Variants in PLXNC1 observed in about 807,000 individuals in gnomAD.
PLXNC1 encodes plexin-C1.
In PLXNC1, 75 loss-of-function variants were observed where a neutral mutation model predicts 178.2. The ratio of observed to expected loss-of-function variants is 0.42; its 90% CI spans 0.35 to 0.51. The LOEUF is 0.51. Among genes scored for constraint, PLXNC1 ranks in the 20% least tolerant of loss-of-function variants. The pLI is 0.02. For synonymous variants in PLXNC1, 790 were observed against 779.9 expected (o/e 1.01, Z -0.22); for missense variants, 1,503 against 1,984.4 (o/e 0.76, Z 4.61).
chr12:94,232,957 T>C (rs987012505), intron 9 of PLXNC1, among the ~76,000 whole-genome samples: 1 of 152,202 alleles, frequency 6.6e-6, no homozygotes, highest in Non-Finnish European at 1.5e-5. Flanking sequence ...CTAAATTGAA[T>C]ATAAACATTG....
In PLXNC1 at chr12:94,296,449, C is replaced by CTG. The variant is rs1967927789; in HGVS notation, c.3935-739_3935-738dup. Among the ~76,000 whole-genome samples, 13 of 152,346 alleles carry CTG rather than the reference C, an allele frequency of 8.5e-5. No individual in the cohort carries two copies. The South Asian group carries it at 2.7e-3, about 32-fold the overall frequency. On this transcript the variant is annotated intron_variant, in intron 24 of 30. Coordinates refer to ENST00000258526, the MANE Select transcript of PLXNC1 (RefSeq NM_005761.3). ...GTGCTGGGATTACAGATGTGAGCCA[C>CTG]TGAGCCTCTCTCAACTTTAAAACAA...
chr12:94,174,221 G>A (rs774944178), intron 2 of PLXNC1, among the ~76,000 whole-genome samples: 42 of 151,796 alleles, frequency 2.8e-4, no homozygotes, highest in Non-Finnish European at 7.4e-5. Flanking sequence ...GTCTGGCTCT[G>A]TTGCCCAGGC....
At chr12:94,171,831 C>A (rs963725381) in intron 2 of PLXNC1, among the ~76,000 whole-genome samples, 22 of 152,130 alleles carry the variant, frequency 1.4e-4, no homozygotes, top group Non-Finnish European at 3.1e-4. Context: ...ACACCCACCC[C>A]CCAAGCCCCC....
chr12:94,261,662 T>A (rs1018284260), intron 20 of PLXNC1, among the ~76,000 whole-genome samples: 51 of 152,346 alleles, frequency 3.3e-4, no homozygotes, highest in African/African-American at 1.2e-3. Context: ...ATTCTTATCC[T>A]TTAATTTTAC....
chr12:94,231,242 C>T (rs1161882261), intron 9 of PLXNC1, among the ~76,000 whole-genome samples: 2 of 152,052 alleles, frequency 1.3e-5, no homozygotes, highest in Non-Finnish European at 2.9e-5. Flanking sequence ...CGAGAAGCAT[C>T]CAGACACATG....
intron 21 of PLXNC1, among the ~76,000 whole-genome samples, chr12:94,273,508 C>T (rs1291576044): frequency 6.6e-6 from 1 of 152,194 alleles, no homozygotes; most frequent in Admixed American, 6.5e-5. Context: ...GCTGCCTCCT[C>T]CATGCAGCCT....
Position 94,305,931 on chromosome 12 carries a change from T to C in PLXNC1, c.*646T>C, listed in dbSNP as rs947156550. The C allele has an allele frequency of 6.6e-6, 1 of 152,218 alleles. No individual in the cohort carries two copies. Among genetic ancestry groups the C allele is most frequent in the Non-Finnish European group, 1.5e-5 (1 of 68,048 alleles). The allele number at this position is 152,218 out of a possible 1,614,324, so 9.4% of individuals were successfully genotyped here. On this transcript the variant is annotated 3_prime_UTR_variant, in exon 31 of 31. Coordinates refer to ENST00000258526, the MANE Select transcript of PLXNC1 (RefSeq NM_005761.3). Reference sequence around the variant, plus strand: ...TCAACTGCACTCCATCAAACTCACCTCCATTTCACCAAGGAGCTCTAAAGT... The same window carrying C: ...TCAACTGCACTCCATCAAACTCACCCCCATTTCACCAAGGAGCTCTAAAGT...
chr12:94,229,573 A>G (rs1335005535), intron 9 of PLXNC1, among the ~76,000 whole-genome samples: 1 of 152,180 alleles, frequency 6.6e-6, no homozygotes, highest in Non-Finnish European at 1.5e-5. Flanking sequence ...TCATTTTTAT[A>G]TATGGCATAA....
At chr12:94,218,495 C>G (rs921853754) in intron 5 of PLXNC1, among the ~76,000 whole-genome samples, 2 of 152,096 alleles carry the variant, frequency 1.3e-5, no homozygotes, top group Admixed American at 6.5e-5. Context: ...CCACTTCCTG[C>G]ACTCCCAGGT....
At chr12:94,177,928 AGTT>A (rs1455282883) in intron 2 of PLXNC1, among the ~76,000 whole-genome samples, 2 of 152,220 alleles carry the variant, frequency 1.3e-5, no homozygotes, top group Non-Finnish European at 2.9e-5. Context: ...CAAAACCTAC[AGTT>A]GTTTTCTTAA....
rs1960871864 is a variant in PLXNC1 at position 94,149,701 on chromosome 12, A to G, written c.730A>G (p.Ile244Val). The G allele has an allele frequency of 3.7e-6, 6 of 1,612,004 alleles. No individual in the cohort carries two copies. The highest frequency in any genetic ancestry group is 4.2e-6 in the Non-Finnish European group (5 of 1,179,362). Residue 244 changes from isoleucine to valine, a missense_variant, in exon 1 of 31, where the codon ATC becomes GTC. Ile to Val is a conservative substitution (Grantham distance 29). Coordinates refer to ENST00000258526, the MANE Select transcript of PLXNC1 (RefSeq NM_005761.3). ...FVDAFLWNGS[I>V]YFPYYPYNYT... ...GGACGCCTTTCTCTGGAACGGCAGC[A>G]TCTACTTCCCCTACTACCCCTACAA... is the stretch of plus-strand genomic sequence containing the variant.
At chr12:94,283,293 A>G (rs1966585282) in intron 23 of PLXNC1, among the ~76,000 whole-genome samples, 1 of 152,210 alleles carries the variant, frequency 6.6e-6, no homozygotes, top group Non-Finnish European at 1.5e-5. Context: ...AGACTGGGCT[A>G]GGGTGCAGGC....
chr12:94,228,258 C>G (rs915933006), intron 9 of PLXNC1, among the ~76,000 whole-genome samples: 5 of 152,146 alleles, frequency 3.3e-5, no homozygotes, highest in African/African-American at 1.2e-4. Flanking sequence ...TCTCTGAGGT[C>G]TTGTTAAGTA....
At chr12:94,185,290 A>C (rs535214627) in intron 3 of PLXNC1, among the ~76,000 whole-genome samples, 1 of 152,256 alleles carries the variant, frequency 6.6e-6, no homozygotes, top group Non-Finnish European at 1.5e-5. Flanking sequence ...AGCTCAGGAT[A>C]GTCCTTGTTT....
intron 2 of PLXNC1, among the ~76,000 whole-genome samples, chr12:94,173,866 A>G (rs1332646680): frequency 6.6e-6 from 1 of 152,184 alleles, no homozygotes; most frequent in African/African-American, 2.4e-5. Context: ...AGCTGAGTGC[A>G]GAGCCCGCTC....
intron 4 of PLXNC1, among the ~76,000 whole-genome samples, chr12:94,200,852 G>A (rs1963093846): frequency 6.6e-6 from 1 of 152,216 alleles, no homozygotes; most frequent in Non-Finnish European, 1.5e-5. Flanking sequence ...GTCTGCAAAT[G>A]TGTTTTTTAT....
At position 94,149,187 on chromosome 12, in the gene PLXNC1, G is replaced by A; in HGVS notation, c.216G>A (p.Leu72=). The change falls in exon 1 of 31, where the codon CTG becomes CTA. Residue 72 remains leucine (L), a synonymous_variant. Transcript: ENST00000258526. ...GSCLDQLDYS[L]EHSLSRLYRD... ...GCCTGGACCAGCTGGACTACAGCCT[G>A]GAGCACAGCCTCTCGCGCCTGTACC... The A allele has an allele frequency of 6.3e-7, 1 of 1,589,180 alleles. No homozygotes were observed. The highest frequency in any genetic ancestry group is 8.5e-7 in the Non-Finnish European group (1 of 1,171,834).
intron 5 of PLXNC1, among the ~76,000 whole-genome samples, chr12:94,216,821 G>A (rs117960644): frequency 0.015 from 2,345 of 152,204 alleles, 34 homozygotes; most frequent in Non-Finnish European, 0.024. Flanking sequence ...TGAATGTTGC[G>A]GGCTAATTGA....
intron 21 of PLXNC1, among the ~76,000 whole-genome samples, chr12:94,276,654 GAAT>G (rs1965985216): frequency 1.3e-5 from 2 of 152,236 alleles, no homozygotes; most frequent in South Asian, 4.1e-4. Context: ...ACAGGGATGG[GAAT>G]AATAATCCAG....
Sources: allele counts gnomAD v4.1 joint callset (sites outside exome capture counted in the v4.1 genomes callset), GRCh38; gene constraint gnomAD v4.1.1; transcripts MANE v1.5; gene names NCBI Gene and HGNC (gene_info 2026-07-23, HGNC 2026-07-21).